Variants in ADGRL3 observed in about 807,000 individuals in gnomAD.
ADGRL3 encodes the protein adhesion G protein-coupled receptor L3, also known as calcium-independent alpha-latrotoxin receptor 3.
ADGRL3 carries 62 observed loss-of-function variants against 153.5 expected under a neutral mutation model. The ratio of observed to expected loss-of-function variants is 0.40; its 90% CI spans 0.33 to 0.50. ADGRL3 has a LOEUF of 0.50. Ranked by LOEUF, ADGRL3 falls within the 20% of genes least tolerant of loss-of-function variation. The pLI is 0.47. For missense variants in ADGRL3, 1,641 were observed against 1,859.4 expected, an observed-to-expected ratio of 0.88 and a Z score of 2.16; for synonymous variants, 710 against 672.5, an observed-to-expected ratio of 1.06 and a Z score of -0.86.
At chr4:61,215,432 C>T (rs1248200633) in intron 1 of ADGRL3, among the ~76,000 whole-genome samples, 1 of 151,892 alleles carries the variant, frequency 6.6e-6, no homozygotes, top group African/African-American at 2.4e-5. Context: ...ATCTTGAAAG[C>T]CAGACTCTCC....
At chr4:61,638,328 A>C (rs1269760540) in intron 5 of ADGRL3, among the ~76,000 whole-genome samples, 1 of 152,206 alleles carries the variant, frequency 6.6e-6, no homozygotes, top group Non-Finnish European at 1.5e-5. Flanking sequence ...CATAGAAATC[A>C]GATGAGTTGT....
intron 2 of ADGRL3, among the ~76,000 whole-genome samples, chr4:61,444,020 G>T (rs2097554718): frequency 1.3e-5 from 2 of 152,112 alleles, no homozygotes; most frequent in Admixed American, 6.5e-5. Flanking sequence ...ACAATGACAG[G>T]AATGTATTTA....
At chr4:61,832,003 G>A (rs2097876548) in intron 9 of ADGRL3, among the ~76,000 whole-genome samples, 1 of 152,124 alleles carries the variant, frequency 6.6e-6, no homozygotes, top group Non-Finnish European at 1.5e-5. Context: ...GTAGACCTCA[G>A]AGCCTGTTCT....
intron 6 of ADGRL3, among the ~76,000 whole-genome samples, chr4:61,686,852 T>C (rs1443928876): frequency 6.6e-6 from 1 of 152,062 alleles, no homozygotes; most frequent in Non-Finnish European, 1.5e-5. Flanking sequence ...CTTACCTCTA[T>C]GAAATCAACA....
At chr4:61,297,384 C>T (rs900550459) in intron 1 of ADGRL3, among the ~76,000 whole-genome samples, 12 of 151,966 alleles carry the variant, frequency 7.9e-5, no homozygotes, top group Middle Eastern at 3.4e-3. Flanking sequence ...GCTAAATTGC[C>T]GATTTCAGTC....
At chr4:61,408,140 A>G (rs1472424179) in intron 2 of ADGRL3, among the ~76,000 whole-genome samples, 1 of 152,140 alleles carries the variant, frequency 6.6e-6, no homozygotes, top group African/African-American at 2.4e-5. Flanking sequence ...TATAAGATGG[A>G]TCTAAGGCTG....
chr4:61,636,343 G>A (rs1397940488), intron 5 of ADGRL3, among the ~76,000 whole-genome samples: 2 of 152,122 alleles, frequency 1.3e-5, no homozygotes, highest in Admixed American at 1.3e-4. Context: ...ATCAGTAAAG[G>A]ATTTTAAAAT....
intron 1 of ADGRL3, among the ~76,000 whole-genome samples, chr4:61,240,761 A>G (rs1055760248): frequency 6.6e-6 from 1 of 152,046 alleles, no homozygotes; most frequent in Admixed American, 6.6e-5. Flanking sequence ...TTGCTACAAG[A>G]TGTAATTTTT....
intron 2 of ADGRL3, among the ~76,000 whole-genome samples, chr4:61,448,358 C>T (rs908914819): frequency 2.0e-5 from 3 of 151,964 alleles, no homozygotes; most frequent in East Asian, 1.9e-4. Flanking sequence ...TAAAATACTG[C>T]GGGAAATAAT....
chr4:61,444,139 TATA>T (rs2097556295), intron 2 of ADGRL3, among the ~76,000 whole-genome samples: 1 of 152,248 alleles, frequency 6.6e-6, no homozygotes, highest in East Asian at 1.9e-4. Flanking sequence ...CATTTAGAGA[TATA>T]ATGCCATTCC....
chr4:61,346,826 T>G (rs2095923160), intron 1 of ADGRL3, among the ~76,000 whole-genome samples: 1 of 151,566 alleles, frequency 6.6e-6, no homozygotes, highest in Admixed American at 6.6e-5. Flanking sequence ...TACATTGTGT[T>G]AATAATTAAT....
At chr4:61,404,262 A>C (rs2096965914) in intron 2 of ADGRL3, among the ~76,000 whole-genome samples, 1 of 152,088 alleles carries the variant, frequency 6.6e-6, no homozygotes, top group Non-Finnish European at 1.5e-5. Context: ...AATTATAAAT[A>C]ATATATATGC....
chr4:62,071,603 G>C lies in ADGRL3; in HGVS notation c.*695G>C, dbSNP rs1359274281. On this transcript the variant is annotated 3_prime_UTR_variant, in exon 27 of 27. Coordinates refer to ENST00000683033, the MANE Select transcript of ADGRL3 (RefSeq NM_001387552.1). ...GCATTGCACATATAGTCTGCTTTCT[G>C]TTCCTCCAGAATTTGAGTCCTGTTA... The C allele has an allele frequency of 1.2e-5, 4 of 332,102 alleles. No individual in the cohort carries two copies. The highest frequency in any genetic ancestry group is 2.3e-5 in the Non-Finnish European group (4 of 172,876). 20.6% of individuals were successfully genotyped at this position (332,102 alleles called of 1,614,324 possible).
chr4:62,045,277 G>T (rs1176276700), intron 25 of ADGRL3, among the ~76,000 whole-genome samples: 1 of 151,468 alleles, frequency 6.6e-6, no homozygotes, highest in Non-Finnish European at 1.5e-5. Context: ...GTATGTGTGG[G>T]GATATGATTA....
At chr4:61,650,783 T>A (rs1328160653) in intron 5 of ADGRL3, among the ~76,000 whole-genome samples, 1 of 152,110 alleles carries the variant, frequency 6.6e-6, no homozygotes, top group Non-Finnish European at 1.5e-5. Flanking sequence ...GAGTGCATAC[T>A]TCACCTGAAC....
chr4:61,435,852 T>C (rs978560528), intron 2 of ADGRL3, among the ~76,000 whole-genome samples: 1 of 152,146 alleles, frequency 6.6e-6, no homozygotes, highest in South Asian at 2.1e-4. Context: ...GTAGTAAAGT[T>C]ATCAATGGGA....
In ADGRL3 at chr4:62,071,368, A is replaced by T. The variant is rs1379260628; in HGVS notation, c.*460A>T. ...CATAAGAGCAAAGCAAAACTGTATC[A>T]CATAGGGTTTTTGGTCACTCACAAC... On this transcript the variant is annotated 3_prime_UTR_variant, in exon 27 of 27. Transcript: ENST00000683033. 5.9e-6 allele frequency: 1 copy of T among 168,524 alleles called. No homozygotes were observed. The highest frequency in any genetic ancestry group is 1.3e-5 in the Non-Finnish European group (1 of 78,052). The allele number at this position is 168,524 out of a possible 1,614,324, so 10.4% of individuals were successfully genotyped here. A position where few individuals can be genotyped will look rare whatever the true frequency, so the allele number is the denominator to read the frequency against.
chr4:61,572,948 C>A (rs1299360499), intron 4 of ADGRL3, among the ~76,000 whole-genome samples: 3 of 151,950 alleles, frequency 2.0e-5, no homozygotes, highest in Admixed American at 2.0e-4. Flanking sequence ...AAATGATCAT[C>A]TTTTGCCAAA....
In ADGRL3 at chr4:61,220,812, G is replaced by A. The variant is rs757761539; in HGVS notation, c.-240+19047G>A. ...AAGGAATGATTATCTAGCAATTCGTGAGATACAAATGGAAGCCTGAATACT... is the reference window on the plus strand; with the variant it reads ...AAGGAATGATTATCTAGCAATTCGTAAGATACAAATGGAAGCCTGAATACT... On this transcript the variant is annotated intron_variant, in intron 1 of 26. Transcript: ENST00000683033. Among the ~76,000 whole-genome samples, 32 of 152,138 alleles carry A rather than the reference G, an allele frequency of 2.1e-4. 1 individual carries two copies. Among genetic ancestry groups the A allele is most frequent in the Admixed American group, 4.6e-4 (7 of 15,280 alleles).
Sources: gnomAD v4.1 joint callset for allele counts (sites outside exome capture counted in the v4.1 genomes callset) on GRCh38, gnomAD v4.1.1 for gene constraint, MANE v1.5 for transcripts, NCBI Gene and HGNC (gene_info 2026-07-23, HGNC 2026-07-21) for gene names.